The following NCK2 variants were observed in gnomAD, a reference collection of about 807,000 sequenced individuals.
The protein encoded by NCK2 is cytoplasmic protein NCK2.
In NCK2, 16 loss-of-function variants were observed where a neutral mutation model predicts 33.9. That is an observed-to-expected ratio of 0.47 (90% CI 0.32 to 0.72). The LOEUF is 0.72. Among genes scored for constraint, NCK2 ranks in the 30% least tolerant of loss-of-function variants. The pLI, the probability that NCK2 is intolerant of heterozygous loss-of-function variation, is 0.03. For missense variants in NCK2, 418 were observed against 537.3 expected, an observed-to-expected ratio of 0.78 and a Z score of 2.19; for synonymous variants, 273 against 239.9, an observed-to-expected ratio of 1.14 and a Z score of -1.27.
In NCK2 at chr2:105,893,448, A is replaced by G; in HGVS notation, c.*272A>G. 1 of 392,924 alleles carries G rather than the reference A, an allele frequency of 2.5e-6. No homozygotes were observed. The highest frequency in any genetic ancestry group is 4.7e-6 in the Non-Finnish European group (1 of 211,396). The allele number at this position is 392,924 out of a possible 1,614,324, so 24.3% of individuals were successfully genotyped here. A position where few individuals can be genotyped will look rare whatever the true frequency, so the allele number is the denominator to read the frequency against. ...ATCGGAAGTGGCGCTCGTGCATTCA[A>G]CTCGTTCCCGCTCATGGAACCCCTC... On this transcript the variant is annotated 3_prime_UTR_variant, in exon 5 of 5. Coordinates refer to ENST00000233154, the MANE Select transcript of NCK2 (RefSeq NM_003581.5).
chr2:105,746,571 A>C (rs1322521716), intron 1 of NCK2, among the ~76,000 whole-genome samples: 2 of 152,136 alleles, frequency 1.3e-5, no homozygotes, highest in African/African-American at 2.4e-5. Context: ...TAAGCAGGTG[A>C]ATTAGTAACA....
chr2:105,864,522 C>T (rs535626440), intron 3 of NCK2, among the ~76,000 whole-genome samples: 2 of 151,944 alleles, frequency 1.3e-5, no homozygotes, highest in Non-Finnish European at 2.9e-5. Context: ...TAGGGTGGGA[C>T]GTCAGTAGGA....
At chr2:105,879,533 A>C (rs767404982) in intron 3 of NCK2, among the ~76,000 whole-genome samples, 2 of 152,270 alleles carry the variant, frequency 1.3e-5, no homozygotes, top group Non-Finnish European at 2.9e-5. Context: ...CACCTGTTCT[A>C]ATATTCTGGC....
intron 1 of NCK2, among the ~76,000 whole-genome samples, chr2:105,816,126 A>G (rs1311737788): frequency 1.3e-5 from 2 of 152,150 alleles, no homozygotes; most frequent in African/African-American, 2.4e-5. Flanking sequence ...AATCTGGGAT[A>G]TATTTAAAAC....
chr2:105,747,956 CTT>C (rs543578086), intron 1 of NCK2, among the ~76,000 whole-genome samples: 292 of 150,380 alleles, frequency 1.9e-3, no homozygotes, highest in East Asian at 5.2e-3. Flanking sequence ...AAATTAGACT[CTT>C]TTCTTTTCCT....
At chr2:105,805,755 G>A (rs190144667) in intron 1 of NCK2, among the ~76,000 whole-genome samples, 4 of 152,232 alleles carry the variant, frequency 2.6e-5, no homozygotes, top group East Asian at 1.9e-4. Context: ...GTTCATCTGC[G>A]TTATTGCAAA....
chr2:105,888,957 T>C (rs890667637), intron 4 of NCK2, among the ~76,000 whole-genome samples: 2 of 149,034 alleles, frequency 1.3e-5, no homozygotes, highest in African/African-American at 5.2e-5. Flanking sequence ...TGTAGAGTAC[T>C]CTACCATACT....
At chr2:105,801,690 C>A (rs1457570674) in intron 1 of NCK2, among the ~76,000 whole-genome samples, 5 of 151,968 alleles carry the variant, frequency 3.3e-5, no homozygotes, top group African/African-American at 1.2e-4. Flanking sequence ...GCAGGCTCAT[C>A]TCAAGGGCTG....
chr2:105,869,825 G>GA (rs527997493), intron 3 of NCK2, among the ~76,000 whole-genome samples: 1 of 152,054 alleles, frequency 6.6e-6, no homozygotes, highest in East Asian at 1.9e-4. Context: ...AAATTATAAT[G>GA]AAAAAAATTT....
At chr2:105,814,017 G>T (rs944589870) in intron 1 of NCK2, among the ~76,000 whole-genome samples, 8 of 152,214 alleles carry the variant, frequency 5.3e-5, no homozygotes, top group Non-Finnish European at 1.0e-4. Context: ...TTTGGTGAGG[G>T]CCTTCTACAG....
intron 1 of NCK2, among the ~76,000 whole-genome samples, chr2:105,757,684 C>CAGTCCACTG (rs1265986404): frequency 4.6e-5 from 7 of 152,210 alleles, no homozygotes; most frequent in Non-Finnish European, 8.8e-5. Flanking sequence ...TACAAGCTCA[C>CAGTCCACTG]AGTCCACTGT....
chr2:105,889,715 C>T (rs2104686263), intron 4 of NCK2, among the ~76,000 whole-genome samples: 1 of 152,098 alleles, frequency 6.6e-6, no homozygotes. Flanking sequence ...TCCCAAGTAG[C>T]TGGGACCACA....
At chr2:105,869,824 T>C (rs564209802) in intron 3 of NCK2, among the ~76,000 whole-genome samples, 3 of 152,318 alleles carry the variant, frequency 2.0e-5, no homozygotes, top group Non-Finnish European at 2.9e-5. Context: ...AAAATTATAA[T>C]GAAAAAAATT....
intron 2 of NCK2, among the ~76,000 whole-genome samples, chr2:105,840,963 G>C (rs978427873): frequency 2.7e-5 from 4 of 150,074 alleles, no homozygotes. Context: ...TCCTTTCCTG[G>C]CTTCCCAGAA....
chr2:105,859,128 T>C lies in NCK2; in HGVS notation c.226+3839T>C, dbSNP rs150651319. Among the ~76,000 whole-genome samples the C allele has an allele frequency of 1.4e-3, 213 of 152,324 alleles. 1 individual carries two copies. The highest frequency in any genetic ancestry group is 1.7e-3 in the Non-Finnish European group (115 of 68,016). On this transcript the variant is annotated intron_variant, in intron 3 of 4. Coordinates refer to ENST00000233154, the MANE Select transcript of NCK2 (RefSeq NM_003581.5). ...TGTTGTAAAAGCACTATGCTACATC[T>C]TTTGAGATGGGGAAGCTGCTCCCAG... is the stretch of plus-strand genomic sequence containing the variant.
At chr2:105,839,496 C>G (rs527752745) in intron 2 of NCK2, among the ~76,000 whole-genome samples, 15 of 152,208 alleles carry the variant, frequency 9.9e-5, no homozygotes, top group African/African-American at 3.1e-4. Context: ...GGATGAGTCT[C>G]AGATTGGGGG....
At chr2:105,803,935 G>A (rs1558844711) in intron 1 of NCK2, among the ~76,000 whole-genome samples, 1 of 152,216 alleles carries the variant, frequency 6.6e-6, no homozygotes, top group Non-Finnish European at 1.5e-5. Flanking sequence ...TTGCATGAAA[G>A]CTGAGGATAC....
intron 2 of NCK2, among the ~76,000 whole-genome samples, chr2:105,817,447 G>A (rs1675537274): frequency 6.6e-6 from 1 of 152,154 alleles, no homozygotes; most frequent in African/African-American, 2.4e-5. Context: ...TTAATCCGGT[G>A]TTCTCTTTCT....
At chr2:105,762,402 A>AG (rs1689796769) in intron 1 of NCK2, among the ~76,000 whole-genome samples, 1 of 152,122 alleles carries the variant, frequency 6.6e-6, no homozygotes, top group Non-Finnish European at 1.5e-5. Flanking sequence ...CTGCTTTGAA[A>AG]GGGGTTCAGT....
Sources: gnomAD v4.1 joint callset for allele counts (sites outside exome capture counted in the v4.1 genomes callset) on GRCh38, gnomAD v4.1.1 for gene constraint, MANE v1.5 for transcripts, NCBI Gene and HGNC (gene_info 2026-07-23, HGNC 2026-07-21) for gene names.